The following INPP4B variants were observed in gnomAD, a reference collection of about 807,000 sequenced individuals.
The protein encoded by INPP4B is inositol polyphosphate-4-phosphatase type II B.
A neutral mutation model predicts 122.5 loss-of-function variants in INPP4B; 55 were observed. That is an observed-to-expected ratio of 0.45 (90% confidence interval 0.36 to 0.56). INPP4B has a LOEUF of 0.56. INPP4B is among the 20% of genes least tolerant of loss of function. INPP4B has a pLI of 0.00. For missense variants in INPP4B, 1,000 were observed against 1,097.7 expected, an observed-to-expected ratio of 0.91 and a Z score of 1.26; for synonymous variants, 403 against 388.7, an observed-to-expected ratio of 1.04 and a Z score of -0.43.
At chr4:142,555,205 C>G (rs1728877044) in intron 2 of INPP4B, among the ~76,000 whole-genome samples, 1 of 152,194 alleles carries the variant, frequency 6.6e-6, no homozygotes, top group Non-Finnish European at 1.5e-5. Flanking sequence ...ATAGAACCTG[C>G]AGATGTGCTT....
intron 22 of INPP4B, among the ~76,000 whole-genome samples, chr4:142,108,673 G>A (rs1003966361): frequency 6.6e-6 from 1 of 152,170 alleles, no homozygotes; most frequent in Non-Finnish European, 1.5e-5. Flanking sequence ...GGCACACGTA[G>A]AGCCAGATTT....
At chr4:142,536,273 G>T (rs1240045226) in intron 2 of INPP4B, among the ~76,000 whole-genome samples, 1 of 152,098 alleles carries the variant, frequency 6.6e-6, no homozygotes, top group Non-Finnish European at 1.5e-5. Flanking sequence ...AAACAATGCT[G>T]ACTGATTTGC....
intron 3 of INPP4B, among the ~76,000 whole-genome samples, chr4:142,454,724 G>A (rs1013397): frequency 0.15 from 23,049 of 151,898 alleles, 2,035 homozygotes; most frequent in East Asian, 0.37. Context: ...TAGCCATACC[G>A]TTCCTTATTC....
chr4:142,270,933 T>TTGTGTGTG (rs58469157), intron 9 of INPP4B, among the ~76,000 whole-genome samples, 159 bp from the exon 10 acceptor site: 16 of 148,646 alleles, frequency 1.1e-4, no homozygotes, highest in African/African-American at 3.7e-4. Context: ...GGGTAGGTGT[T>TTGTGTGTG]TGTGTGTGTG....
intron 1 of INPP4B, among the ~76,000 whole-genome samples, chr4:142,799,151 C>T (rs771833360): frequency 2.6e-5 from 4 of 151,782 alleles, no homozygotes; most frequent in African/African-American, 7.2e-5. Flanking sequence ...ATTCAATCTC[C>T]GTTAAAAGCT....
At chr4:142,099,728 G>A (rs1783646974) in intron 23 of INPP4B, among the ~76,000 whole-genome samples, 1 of 152,072 alleles carries the variant, frequency 6.6e-6, no homozygotes, top group Admixed American at 6.6e-5. Flanking sequence ...ATCTCACATT[G>A]AACAGAATCA....
chr4:142,419,411 T>A (rs1411942645), intron 5 of INPP4B, among the ~76,000 whole-genome samples: 8 of 152,104 alleles, frequency 5.3e-5, no homozygotes, highest in Non-Finnish European at 8.8e-5. Context: ...TTGAGCAAAT[T>A]TTGACCTGGG....
chr4:142,424,351 C>A (rs1362933479), intron 5 of INPP4B, among the ~76,000 whole-genome samples: 3 of 151,918 alleles, frequency 2.0e-5, no homozygotes, highest in Admixed American at 6.6e-5. Flanking sequence ...CATTTTTCTT[C>A]TTCAGTGCAT....
At chr4:142,046,302 T>C (rs763506220) in intron 25 of INPP4B, among the ~76,000 whole-genome samples, 9 of 152,130 alleles carry the variant, frequency 5.9e-5, no homozygotes, top group Non-Finnish European at 1.0e-4. Context: ...TACGATGCTT[T>C]AGACCTTTGT....
At chr4:142,330,368 C>T (rs1016323844) in intron 7 of INPP4B, among the ~76,000 whole-genome samples, 5 of 152,176 alleles carry the variant, frequency 3.3e-5, no homozygotes, top group African/African-American at 1.2e-4. Flanking sequence ...GAAAATCCAT[C>T]TCTGGGTTTT....
At chr4:142,204,006 CAT>C (rs1841719968) in intron 14 of INPP4B, among the ~76,000 whole-genome samples, 1 of 152,000 alleles carries the variant, frequency 6.6e-6, no homozygotes, top group South Asian at 2.1e-4. Context: ...CTGTTAAATA[CAT>C]GTTATAAAAG....
chr4:142,839,714 T>C (rs1032552116), intron 1 of INPP4B, among the ~76,000 whole-genome samples: 2 of 152,208 alleles, frequency 1.3e-5, no homozygotes, highest in Admixed American at 1.3e-4. Flanking sequence ...GTAAATGAAA[T>C]GAGAATGGCC....
intron 25 of INPP4B, among the ~76,000 whole-genome samples, chr4:142,037,883 A>C (rs1744950366): frequency 6.6e-6 from 1 of 152,174 alleles, no homozygotes; most frequent in South Asian, 2.1e-4. Flanking sequence ...CTCAGATGTA[A>C]AAATGGCTTT....
chr4:142,804,009 A>G (rs1778358264), intron 1 of INPP4B, among the ~76,000 whole-genome samples: 1 of 151,818 alleles, frequency 6.6e-6, no homozygotes, highest in Non-Finnish European at 1.5e-5. Context: ...CAGTGAGCCA[A>G]GATTGCTCCA....
chr4:142,725,890 T>G lies in INPP4B; in HGVS notation c.-242A>C, dbSNP rs971505096. The G allele has an allele frequency of 2.5e-6, 1 of 397,896 alleles. No homozygotes were observed. Among genetic ancestry groups the G allele is most frequent in the South Asian group, 1.3e-4 (1 of 7,856 alleles). 24.6% of individuals were successfully genotyped at this position (397,896 alleles called of 1,614,324 possible). A position where few individuals can be genotyped will look rare whatever the true frequency, so the allele number is the denominator to read the frequency against. On this transcript the variant is annotated 5_prime_UTR_variant, in exon 2 of 26. It removes an upstream start codon present in the reference 5' UTR. Coordinates refer to ENST00000262992, the MANE Select transcript of INPP4B (RefSeq NM_001101669.3). ...GAAGACCTCTTGCCAGGTAACACCA[T>G]TTCTTTGTATTCTACGGGAAAAGAG...
intron 2 of INPP4B, among the ~76,000 whole-genome samples, chr4:142,617,852 G>A (rs532979327): frequency 1.3e-5 from 2 of 152,142 alleles, no homozygotes; most frequent in Non-Finnish European, 2.9e-5. Context: ...TCCAGGCAAT[G>A]CAATAGAGAT....
At chr4:142,248,357 G>A (rs1462047627) in intron 11 of INPP4B, among the ~76,000 whole-genome samples, 13 of 77,118 alleles carry the variant, frequency 1.7e-4, no homozygotes, top group African/African-American at 5.9e-4. Context: ...TTTTTTTTGA[G>A]ATGGAGTTTC....
chr4:142,239,273 C>T (rs1296145473), intron 11 of INPP4B, among the ~76,000 whole-genome samples: 4 of 152,056 alleles, frequency 2.6e-5, no homozygotes, highest in Non-Finnish European at 4.4e-5. Flanking sequence ...ATTCTTCAAC[C>T]ACCAGATTCA....
At chr4:142,585,846 T>TTTATTATTA (rs59890158) in intron 2 of INPP4B, among the ~76,000 whole-genome samples, 14,395 of 144,410 alleles carry the variant, frequency 0.1, 781 homozygotes, top group African/African-American at 0.13. Flanking sequence ...CACTAAACAC[T>TTTATTATTA]TTATTATTAT....
Sources: allele counts gnomAD v4.1 joint callset (sites outside exome capture counted in the v4.1 genomes callset), GRCh38; gene constraint gnomAD v4.1.1; transcripts MANE v1.5; gene names NCBI Gene and HGNC (gene_info 2026-07-23, HGNC 2026-07-21).